The following ABHD5 variants were observed in gnomAD, a reference collection of about 807,000 sequenced individuals.
ABHD5 encodes the protein abhydrolase domain containing 5, lysophosphatidic acid acyltransferase, also known as 1-acylglycerol-3-phosphate O-acyltransferase ABHD5.
Under a neutral mutation model 44.9 loss-of-function variants are expected in ABHD5, and 30 were observed. That is an observed-to-expected ratio of 0.67 (90% confidence interval 0.50 to 0.91). ABHD5 has a LOEUF of 0.91. ABHD5 is among the 40% of genes least tolerant of loss of function. The pLI, the probability that ABHD5 is intolerant of heterozygous loss-of-function variation, is 0.00. For synonymous variants in ABHD5, 167 were observed against 147.0 expected (o/e 1.14, Z -0.99); for missense variants, 399 against 423.4 (o/e 0.94, Z 0.50).
intron 7 of ABHD5, among the ~76,000 whole-genome samples, chr3:43,729,446 T>C (rs1333093915): frequency 6.6e-6 from 1 of 152,182 alleles, no homozygotes; most frequent in African/African-American, 2.4e-5. Context: ...TTGAGATATA[T>C]CTCCAAAAAC....
rs375012502 is a variant in ABHD5, at chr3:43,718,428, C to T, written c.961-15C>T. 3.1e-4 allele frequency: 492 copies of T among 1,609,732 alleles called. No individual in the cohort carries two copies. The highest frequency in any genetic ancestry group is 2.6e-4 in the Non-Finnish European group (308 of 1,176,214). ...CTTTTACTCACTAACTGTCTGAATG[C>T]TTTTCCTTATCCAGGCTATTCTTGG... On this transcript the variant is annotated splice_polypyrimidine_tract_variant and intron_variant, in intron 6 of 6. Coordinates refer to ENST00000644371, the MANE Select transcript of ABHD5 (RefSeq NM_016006.6).
chr3:43,692,519 A>C (rs920851224), intron 1 of ABHD5, among the ~76,000 whole-genome samples: 1 of 152,192 alleles, frequency 6.6e-6, no homozygotes, highest in Non-Finnish European at 1.5e-5. Context: ...TTGGAGGTAG[A>C]TGATTAAAAA....
chr3:43,707,448 ATATT>A (rs1224698972), intron 3 of ABHD5, among the ~76,000 whole-genome samples: 4 of 151,644 alleles, frequency 2.6e-5, no homozygotes, highest in African/African-American at 9.7e-5. Context: ...GAAGTTGGAG[ATATT>A]TAGTTTGTTG....
chr3:43,707,493 T>C (rs2084635468), intron 3 of ABHD5, among the ~76,000 whole-genome samples: 1 of 152,252 alleles, frequency 6.6e-6, no homozygotes. Context: ...CTCTCACCAA[T>C]GGCTTGGAGC....
At chr3:43,709,603 G>T (rs2084663034) in intron 3 of ABHD5, among the ~76,000 whole-genome samples, 3 of 152,100 alleles carry the variant, frequency 2.0e-5, no homozygotes, top group Admixed American at 1.3e-4. Flanking sequence ...TTTTCTCTTT[G>T]GGAGATAAGT....
chr3:43,724,098 C>T (rs1030294832), downstream of ABHD5, among the ~76,000 whole-genome samples: 3 of 152,026 alleles, frequency 2.0e-5, no homozygotes, highest in African/African-American at 7.3e-5. Flanking sequence ...GGCTTATGTA[C>T]GGTCTATGCT....
At chr3:43,724,602 G>A (rs2084865999), downstream of ABHD5, among the ~76,000 whole-genome samples, 1 of 152,192 alleles carries the variant, frequency 6.6e-6, no homozygotes, top group Non-Finnish European at 1.5e-5. Flanking sequence ...GGAGTACTAT[G>A]CAGCCTTAAA....
intron 1 of ABHD5, among the ~76,000 whole-genome samples, chr3:43,692,792 G>A (rs1229386585): frequency 2.0e-5 from 3 of 152,196 alleles, no homozygotes; most frequent in African/African-American, 4.8e-5. Context: ...TTTAATCTAA[G>A]GTGCTTACCC....
chr3:43,727,853 C>T (rs771106664), intron 7 of ABHD5, among the ~76,000 whole-genome samples: 1 of 152,176 alleles, frequency 6.6e-6, no homozygotes, highest in Non-Finnish European at 1.5e-5. Context: ...AGGTAATCAG[C>T]CCGCCTCGGC....
chr3:43,704,425 C>A (rs1450057312), intron 3 of ABHD5, among the ~76,000 whole-genome samples: 1 of 152,212 alleles, frequency 6.6e-6, no homozygotes. Flanking sequence ...AGATGCTTTT[C>A]TGGTACAAGT....
In ABHD5 at chr3:43,714,928, T is replaced by A. The variant is rs764343486; in HGVS notation, c.662-19T>A. 8.3e-6 allele frequency: 13 copies of A among 1,570,536 alleles called. No homozygotes were observed. The highest frequency in any genetic ancestry group is 1.7e-5 in the Admixed American group (1 of 59,906). On this transcript the variant is annotated intron_variant, in intron 4 of 6. Coordinates refer to ENST00000644371, the MANE Select transcript of ABHD5 (RefSeq NM_016006.6). ...ACTATAATTTAAAACATGCATTTTTTAAATTTCCTGTTAAATAGGTTTAAG... is the reference window on the plus strand; with the variant it reads ...ACTATAATTTAAAACATGCATTTTTAAAATTTCCTGTTAAATAGGTTTAAG...
At chr3:43,725,032 T>A (rs1251915452), downstream of ABHD5, among the ~76,000 whole-genome samples, 2 of 152,230 alleles carry the variant, frequency 1.3e-5, no homozygotes, top group Non-Finnish European at 2.9e-5. Flanking sequence ...TGTGTGGATG[T>A]GCAGATCCAG....
chr3:43,725,861 TTTTTTTG>T (rs1278728606), downstream of ABHD5, among the ~76,000 whole-genome samples: 4 of 150,244 alleles, frequency 2.7e-5, no homozygotes, highest in African/African-American at 5.0e-5. Flanking sequence ...TTTTTTTTTG[TTTTTTTG>T]TTTTTTTGGT....
At chr3:43,711,989 C>T in intron 4 of ABHD5, 126 bp downstream of exon 4, 3 of 1,220,684 alleles carry the variant, frequency 2.5e-6, no homozygotes, top group Non-Finnish European at 2.4e-6. Context: ...TCTCCTCTTC[C>T]TCTAATAAGT....
chr3:43,704,256 C>A (rs1284320605), intron 3 of ABHD5, among the ~76,000 whole-genome samples: 2 of 152,088 alleles, frequency 1.3e-5, no homozygotes, highest in East Asian at 3.9e-4. Flanking sequence ...CCAGGCTGGT[C>A]TCAAACTCTT....
intron 4 of ABHD5, 122 bp downstream of exon 4, chr3:43,711,985 C>T (rs1383890324): frequency 7.8e-7 from 1 of 1,290,076 alleles, no homozygotes; most frequent in Non-Finnish European, 1.1e-6. Context: ...TTTTTCTCCT[C>T]TTCCTCTAAT....
intron 3 of ABHD5, among the ~76,000 whole-genome samples, chr3:43,705,111 T>C (rs1048435063): frequency 6.6e-6 from 1 of 152,214 alleles, no homozygotes; most frequent in Non-Finnish European, 1.5e-5. Context: ...GCCTAGTAAA[T>C]ATTTCTTGAA....
chr3:43,717,601 T>C (rs2084782587), intron 5 of ABHD5, 70 bp from the exon 6 acceptor site: 7 of 1,500,674 alleles, frequency 4.7e-6, no homozygotes, highest in South Asian at 1.1e-5. Context: ...TGTGTTTTGA[T>C]AGAAGTGACA....
intron 2 of ABHD5, among the ~76,000 whole-genome samples, chr3:43,700,964 A>G (rs985726978): frequency 1.3e-5 from 2 of 152,076 alleles, no homozygotes; most frequent in African/African-American, 4.8e-5. Flanking sequence ...TGTCATTGTG[A>G]TTTACCAAAA....
Sources: gnomAD v4.1 joint callset for allele counts (sites outside exome capture counted in the v4.1 genomes callset) on GRCh38, gnomAD v4.1.1 for gene constraint, MANE v1.5 for transcripts, NCBI Gene and HGNC (gene_info 2026-07-23, HGNC 2026-07-21) for gene names.